The following AGBL1 variants were observed in gnomAD, a reference collection of about 807,000 sequenced individuals.
AGBL1 encodes the protein AGBL carboxypeptidase 1.
Under a neutral mutation model 118.9 loss-of-function variants are expected in AGBL1, and 130 were observed. The ratio of observed to expected loss-of-function variants is 1.09; its 90% confidence interval spans 0.95 to 1.26. The LOEUF (loss-of-function observed/expected upper bound fraction) is 1.26. AGBL1 is among the 50% of genes most tolerant of loss of function. The pLI, the probability that AGBL1 is intolerant of heterozygous loss-of-function variation, is 0.00. For missense variants in AGBL1, 1,584 were observed against 1,298.1 expected (o/e 1.22, Z -3.38); for synonymous variants, 555 against 478.9 (o/e 1.16, Z -2.08).
intron 24 of AGBL1, among the ~76,000 whole-genome samples, chr15:87,015,179 C>G (rs951896219): frequency 1.3e-5 from 2 of 152,116 alleles, no homozygotes; most frequent in African/African-American, 2.4e-5. Flanking sequence ...CCAGGCCTCT[C>G]AAGTCTTTGG....
At chr15:86,635,543 C>T (rs1202067464) in intron 21 of AGBL1, among the ~76,000 whole-genome samples, 4 of 151,830 alleles carry the variant, frequency 2.6e-5, no homozygotes, top group Middle Eastern at 3.4e-3. Context: ...AAGTGATATT[C>T]CTGCCAGGCT....
chr15:86,827,361 A>ATG (rs1212966702), intron 22 of AGBL1, among the ~76,000 whole-genome samples: 1 of 9,022 alleles, frequency 1.1e-4, no homozygotes, highest in Non-Finnish European at 1.6e-4. Flanking sequence ...ATATATATAT[A>ATG]TGTGTGTGTA....
chr15:86,401,872 C>T (rs1238295737), intron 18 of AGBL1, among the ~76,000 whole-genome samples: 7 of 152,014 alleles, frequency 4.6e-5, no homozygotes, highest in African/African-American at 7.2e-5. Context: ...CAATTGAAGT[C>T]GGGTAATGTG....
chr15:86,805,818 A>G (rs1325925596), intron 22 of AGBL1, among the ~76,000 whole-genome samples: 5 of 152,174 alleles, frequency 3.3e-5, no homozygotes, highest in Non-Finnish European at 7.3e-5. Flanking sequence ...TTTACTACCC[A>G]GTTGCAATCC....
At chr15:86,391,629 T>G (rs889386037) in intron 17 of AGBL1, among the ~76,000 whole-genome samples, 1 of 148,792 alleles carries the variant, frequency 6.7e-6, no homozygotes, top group African/African-American at 2.5e-5. Context: ...CTTTGTATAA[T>G]GTTGTTGTTG....
At chr15:86,750,323 G>A (rs901617435) in intron 22 of AGBL1, among the ~76,000 whole-genome samples, 7 of 151,750 alleles carry the variant, frequency 4.6e-5, no homozygotes, top group East Asian at 1.9e-4. Context: ...GTACAGATTG[G>A]TATTTCAATA....
intron 22 of AGBL1, among the ~76,000 whole-genome samples, chr15:86,706,884 C>G (rs928205269): frequency 3.3e-5 from 5 of 152,098 alleles, no homozygotes; most frequent in African/African-American, 7.2e-5. Flanking sequence ...TCAGTTTTCT[C>G]TACCAGTTAC....
chr15:86,595,397 C>G (rs956303203), intron 21 of AGBL1, among the ~76,000 whole-genome samples: 1 of 152,198 alleles, frequency 6.6e-6, no homozygotes, highest in Non-Finnish European at 1.5e-5. Context: ...TTTAAAAGTT[C>G]AGTTGCTGTC....
chr15:86,083,210 G>A (rs952920803), intron 1 of AGBL1: 2 of 152,024 alleles, frequency 1.3e-5, no homozygotes, highest in Admixed American at 6.5e-5. Flanking sequence ...AAAAAGAGGT[G>A]TCTCATTTGT....
chr15:86,902,056 A>C (rs1032023373), intron 22 of AGBL1, among the ~76,000 whole-genome samples: 1 of 152,160 alleles, frequency 6.6e-6, no homozygotes. Flanking sequence ...GGCTATTACA[A>C]ATCAAGCTGC....
intron 19 of AGBL1, among the ~76,000 whole-genome samples, chr15:86,532,518 G>C (rs1241087248): frequency 1.6e-5 from 2 of 125,296 alleles, no homozygotes; most frequent in Non-Finnish European, 3.3e-5. Context: ...TCAATATCAT[G>C]AAAATGGCCA....
intron 7 of AGBL1, among the ~76,000 whole-genome samples, chr15:86,250,150 G>A (rs2078787684): frequency 1.3e-5 from 2 of 151,930 alleles, no homozygotes; most frequent in South Asian, 4.2e-4. Context: ...ACCTGGAAGA[G>A]TGTATAGAAT....
chr15:86,322,930 A>T (rs1041688561), intron 17 of AGBL1, among the ~76,000 whole-genome samples: 2 of 152,024 alleles, frequency 1.3e-5, no homozygotes, highest in Non-Finnish European at 2.9e-5. Context: ...GGCTTTTTTG[A>T]GTACCAGCTT....
chr15:86,860,273 G>C (rs973130422), intron 22 of AGBL1, among the ~76,000 whole-genome samples: 2 of 152,048 alleles, frequency 1.3e-5, no homozygotes, highest in Non-Finnish European at 2.9e-5. Flanking sequence ...TTAGTGCCCA[G>C]CACATGGTGA....
At chr15:86,822,398 C>T (rs1462173611) in intron 22 of AGBL1, among the ~76,000 whole-genome samples, 1 of 152,110 alleles carries the variant, frequency 6.6e-6, no homozygotes, top group Non-Finnish European at 1.5e-5. Flanking sequence ...TTTAAGAACC[C>T]AGGCTAAGAC....
At chr15:86,854,105 C>G (rs1456944168) in intron 22 of AGBL1, among the ~76,000 whole-genome samples, 2 of 152,152 alleles carry the variant, frequency 1.3e-5, no homozygotes, top group Non-Finnish European at 2.9e-5. Flanking sequence ...CTGTTTCTCC[C>G]TCCTCTGCAT....
At chr15:86,148,933 C>T (rs556579157) in intron 3 of AGBL1, among the ~76,000 whole-genome samples, 7 of 152,294 alleles carry the variant, frequency 4.6e-5, no homozygotes, top group African/African-American at 1.7e-4. Context: ...GATCTCTTGG[C>T]AGAAACCCTA....
chr15:86,759,630 T>C (rs1309169417), intron 22 of AGBL1, among the ~76,000 whole-genome samples: 1 of 152,090 alleles, frequency 6.6e-6, no homozygotes, highest in Non-Finnish European at 1.5e-5. Flanking sequence ...GAGGTAGCCA[T>C]TGTTAGAAAG....
intron 22 of AGBL1, among the ~76,000 whole-genome samples, chr15:86,893,096 G>C (rs981499568): frequency 1.3e-5 from 2 of 152,148 alleles, no homozygotes; most frequent in Non-Finnish European, 2.9e-5. Context: ...ATTCAGAGTT[G>C]CTCTTTTCTC....
Sources: allele counts gnomAD v4.1 joint callset (sites outside exome capture counted in the v4.1 genomes callset), GRCh38; gene constraint gnomAD v4.1.1; transcripts MANE v1.5; gene names NCBI Gene and HGNC (gene_info 2026-07-23, HGNC 2026-07-21).